The following CDH12 variants were observed in gnomAD, a reference collection of about 807,000 sequenced individuals.
CDH12 encodes cadherin 12, also known as cadherin-12.
A neutral mutation model predicts 74.1 loss-of-function variants in CDH12; 41 were observed. That is an observed-to-expected ratio of 0.55 (90% CI 0.43 to 0.72). The LOEUF (loss-of-function observed/expected upper bound fraction) is 0.72, where lower values mean the gene tolerates loss of function less well. Ranked by LOEUF, CDH12 falls within the 30% of genes least tolerant of loss-of-function variation. CDH12 has a pLI of 0.00. For synonymous variants in CDH12, 399 were observed against 355.0 expected (o/e 1.12, Z -1.39); for missense variants, 945 against 977.2 (o/e 0.97, Z 0.44).
intron 6 of CDH12, among the ~76,000 whole-genome samples, chr5:21,876,636 G>A (rs1029622328): frequency 2.0e-5 from 3 of 152,154 alleles, no homozygotes; most frequent in Non-Finnish European, 4.4e-5. Context: ...CTAGGTTATA[G>A]TGTTATAATA....
chr5:21,836,462 AACACACACACACAC>A (rs60658949), intron 8 of CDH12, among the ~76,000 whole-genome samples: 4 of 143,430 alleles, frequency 2.8e-5, no homozygotes, highest in African/African-American at 7.8e-5. Context: ...TAGAAAGGAA[AACACACACACACAC>A]ACACACACAC....
chr5:21,841,725 G>C (rs1329830135), intron 8 of CDH12, among the ~76,000 whole-genome samples: 1 of 151,892 alleles, frequency 6.6e-6, no homozygotes, highest in Non-Finnish European at 1.5e-5. Context: ...GGATGAAACT[G>C]GAAATCATCA....
chr5:22,364,054 G>A (rs1011870983), intron 3 of CDH12, among the ~76,000 whole-genome samples: 2 of 152,122 alleles, frequency 1.3e-5, no homozygotes, highest in East Asian at 1.9e-4. Flanking sequence ...CTGCAGTAAC[G>A]CAGGTGTTGA....
intron 1 of CDH12, among the ~76,000 whole-genome samples, chr5:22,828,452 T>C (rs1195928544): frequency 6.6e-6 from 1 of 152,306 alleles, no homozygotes; most frequent in Admixed American, 6.5e-5. Flanking sequence ...TAAATGCTAA[T>C]CTACATATCC....
chr5:22,640,277 T>C (rs1338525791), intron 1 of CDH12, among the ~76,000 whole-genome samples: 1 of 152,194 alleles, frequency 6.6e-6, no homozygotes, highest in African/African-American at 2.4e-5. Context: ...TGAGAACCAA[T>C]GTGATAGTAT....
chr5:22,035,611 C>T (rs550258127), intron 5 of CDH12, among the ~76,000 whole-genome samples: 1 of 151,804 alleles, frequency 6.6e-6, no homozygotes, highest in Non-Finnish European at 1.5e-5. Flanking sequence ...TATCAATCAT[C>T]ATCAGGTGTC....
At chr5:22,052,314 G>T (rs1484997079) in intron 5 of CDH12, among the ~76,000 whole-genome samples, 1 of 151,822 alleles carries the variant, frequency 6.6e-6, no homozygotes. Context: ...ACAATTTATT[G>T]GTTTCACTTC....
intron 5 of CDH12, among the ~76,000 whole-genome samples, chr5:21,984,043 T>C (rs1315284111): frequency 6.6e-6 from 1 of 152,210 alleles, no homozygotes; most frequent in East Asian, 1.9e-4. Context: ...GTTTGGAATT[T>C]GAGTCTTCGC....
chr5:21,849,578 C>T (rs1750356715), intron 7 of CDH12, among the ~76,000 whole-genome samples: 1 of 151,654 alleles, frequency 6.6e-6, no homozygotes, highest in Admixed American at 6.6e-5. Flanking sequence ...ATAATCAATT[C>T]TTGCCTTAAT....
rs1746546806 is a variant in CDH12 at position 22,766,983 on chromosome 5, G to GT, written c.-523+86074dup. On this transcript the variant is annotated intron_variant, in intron 1 of 14. Transcript: ENST00000382254. ...ATTATTTTATACCTTATGGCAGGTG[G>GT]TAGGTACACAGTAATCAATTTTTTG... is the stretch of plus-strand genomic sequence containing the variant. 2.0e-5 allele frequency among the ~76,000 whole-genome samples: 3 copies of GT among 152,014 alleles called. No homozygotes were observed. The South Asian group carries it at 6.2e-4, about 31-fold the overall frequency.
At chr5:22,216,087 T>C (rs1751793643) in intron 3 of CDH12, among the ~76,000 whole-genome samples, 1 of 152,106 alleles carries the variant, frequency 6.6e-6, no homozygotes, top group Non-Finnish European at 1.5e-5. Context: ...TCTTCCTTTT[T>C]ACGTAAGTCC....
At chr5:22,759,797 G>C (rs766969082) in intron 1 of CDH12, among the ~76,000 whole-genome samples, 1 of 152,124 alleles carries the variant, frequency 6.6e-6, no homozygotes, top group Non-Finnish European at 1.5e-5. Context: ...TAAGAAGTTG[G>C]CTCATGCAGT....
In CDH12 at chr5:21,951,680, G is replaced by T. The variant is rs189341106; in HGVS notation, c.526+23411C>A. Among the ~76,000 whole-genome samples the T allele has an allele frequency of 1.6e-3, 240 of 152,310 alleles. 5 individuals are homozygous for T. The East Asian group carries it at 0.035, about 22-fold the overall frequency. On this transcript the variant is annotated intron_variant, in intron 6 of 14. Coordinates refer to ENST00000382254, the MANE Select transcript of CDH12 (RefSeq NM_004061.5). ...TGCAAAATGCAAGTAAATAAAAACA[G>T]CAGCTTTCTCTATGCTAAAAGAAAG...
intron 1 of CDH12, among the ~76,000 whole-genome samples, chr5:22,612,472 TTCTC>T (rs765377292): frequency 2.6e-5 from 4 of 152,162 alleles, no homozygotes; most frequent in Non-Finnish European, 5.9e-5. Flanking sequence ...TGACGGATGA[TTCTC>T]TATCTTTCTA....
At position 22,853,145 on chromosome 5, in the gene CDH12, C is replaced by T. The variant is rs2126546000; in HGVS notation, c.-610G>A. ...GCTCAGCCTTGCGCGGAAGGTGAGA[C>T]CCTTCTCTTCTGTTTCCCCTTTCCA... On this transcript the variant is annotated 5_prime_UTR_variant, in exon 1 of 15. Transcript: ENST00000382254. The T allele has an allele frequency of 6.6e-6, 1 of 152,356 alleles. No homozygotes were observed. Among genetic ancestry groups the T allele is most frequent in the East Asian group, 1.9e-4 (1 of 5,174 alleles). The allele number at this position is 152,356 out of a possible 1,614,324, so 9.4% of individuals were successfully genotyped here.
At chr5:22,437,223 TTAAATATACTAAATATATCAAAATG>T (rs1744433656) in intron 2 of CDH12, among the ~76,000 whole-genome samples, 11 of 151,934 alleles carry the variant, frequency 7.2e-5, no homozygotes, top group African/African-American at 2.7e-4. Flanking sequence ...TTTACCTAAA[TTAAATATACTAAATATATCAAAATG>T]TTGAAATAAT....
At chr5:22,630,406 A>G (rs1256562504) in intron 1 of CDH12, among the ~76,000 whole-genome samples, 3 of 152,002 alleles carry the variant, frequency 2.0e-5, no homozygotes, top group Non-Finnish European at 2.9e-5. Context: ...AGCTAAAACT[A>G]TTCTAAAACA....
intron 4 of CDH12, among the ~76,000 whole-genome samples, chr5:22,103,062 A>T (rs963778056): frequency 1.3e-5 from 2 of 152,140 alleles, no homozygotes; most frequent in South Asian, 2.1e-4. Context: ...CTGATTAATG[A>T]ACACAGCATT....
intron 3 of CDH12, among the ~76,000 whole-genome samples, chr5:22,241,238 T>G (rs1043237197): frequency 6.6e-6 from 1 of 151,986 alleles, no homozygotes; most frequent in African/African-American, 2.4e-5. Context: ...TAAATACACT[T>G]TTTTTCCCAC....
Sources: allele counts gnomAD v4.1 joint callset (sites outside exome capture counted in the v4.1 genomes callset), GRCh38; gene constraint gnomAD v4.1.1; transcripts MANE v1.5; gene names NCBI Gene and HGNC (gene_info 2026-07-23, HGNC 2026-07-21).